Variants in RAPGEF5 observed in about 807,000 individuals in gnomAD.
RAPGEF5 encodes the protein M-Ras-regulated GEF.
A neutral mutation model predicts 125.2 loss-of-function variants in RAPGEF5; 65 were observed. The ratio of observed to expected loss-of-function variants is 0.52; its 90% CI spans 0.43 to 0.64. The LOEUF (loss-of-function observed/expected upper bound fraction) is 0.64, where lower values mean the gene tolerates loss of function less well. RAPGEF5 is among the 30% of genes least tolerant of loss of function. The pLI is 0.00. For synonymous variants in RAPGEF5, 391 were observed against 385.9 expected (o/e 1.01, Z -0.16); for missense variants, 958 against 1,048.1 (o/e 0.91, Z 1.19).
At chr7:22,258,418 C>G (rs951939763) in intron 7 of RAPGEF5, among the ~76,000 whole-genome samples, 3 of 151,876 alleles carry the variant, frequency 2.0e-5, no homozygotes, top group African/African-American at 7.3e-5. Flanking sequence ...GTTGGGAGTT[C>G]GAGACCAGCC....
At chr7:22,356,179 C>T (rs1001470639) in intron 1 of RAPGEF5, 34 of 985,312 alleles carry the variant, frequency 3.5e-5, no homozygotes, top group Non-Finnish European at 3.7e-5. Flanking sequence ...AGGGACACTC[C>T]TTCACCAGGA....
chr7:22,123,650 T>C (rs1782651022), intron 25 of RAPGEF5, among the ~76,000 whole-genome samples: 1 of 152,242 alleles, frequency 6.6e-6, no homozygotes. Flanking sequence ...TTAGGTTTAA[T>C]AGAAACAAGG....
intron 7 of RAPGEF5, among the ~76,000 whole-genome samples, chr7:22,249,239 T>G (rs1182687248): frequency 6.6e-6 from 1 of 152,232 alleles, no homozygotes; most frequent in African/African-American, 2.4e-5. Flanking sequence ...CCACCCAGGC[T>G]GAAGTGCAGT....
intron 24 of RAPGEF5, among the ~76,000 whole-genome samples, chr7:22,126,549 G>C (rs905591397): frequency 6.6e-6 from 1 of 152,216 alleles, no homozygotes; most frequent in Admixed American, 6.5e-5. Context: ...AAAGGTTCAA[G>C]TATCTTAAAT....
intron 7 of RAPGEF5, among the ~76,000 whole-genome samples, chr7:22,251,756 T>C (rs1445492846): frequency 9.3e-6 from 1 of 107,166 alleles, no homozygotes; most frequent in African/African-American, 3.8e-5. Flanking sequence ...AGTTGAGCCC[T>C]GCCAGGAAGT....
intron 18 of RAPGEF5, among the ~76,000 whole-genome samples, chr7:22,149,694 T>C (rs1209467153): frequency 6.6e-6 from 1 of 152,180 alleles, no homozygotes; most frequent in Non-Finnish European, 1.5e-5. Flanking sequence ...TCCATGCTTT[T>C]CTTCAAGGGA....
At chr7:22,276,706 A>G (rs1782566123) in intron 6 of RAPGEF5, among the ~76,000 whole-genome samples, 1 of 152,226 alleles carries the variant, frequency 6.6e-6, no homozygotes, top group Non-Finnish European at 1.5e-5. Flanking sequence ...GAAATCTCTA[A>G]TTATTTTATG....
chr7:22,145,298 G>A lies in RAPGEF5; in HGVS notation c.2008-76C>T, dbSNP rs1783399874. ...GATACAAAACTCGGTCAAATTTTAAGAGCTACTTCAGGTAGTTCCTCCCAT... is the reference window on the plus strand; with the variant it reads ...GATACAAAACTCGGTCAAATTTTAAAAGCTACTTCAGGTAGTTCCTCCCAT... On this transcript the variant is annotated intron_variant, in intron 19 of 25. Transcript: ENST00000665637. 3.6e-6 allele frequency: 5 copies of A among 1,407,608 alleles called. No individual in the cohort carries two copies. In the African/African-American group the frequency reaches 7.2e-5, roughly 20 times the overall value. 87.2% of individuals were successfully genotyped at this position (1,407,608 alleles called of 1,614,324 possible). A position where few individuals can be genotyped will look rare whatever the true frequency, so the allele number is the denominator to read the frequency against.
chr7:22,304,948 T>C (rs976786651), intron 5 of RAPGEF5, among the ~76,000 whole-genome samples: 2 of 152,222 alleles, frequency 1.3e-5, no homozygotes, highest in Admixed American at 6.5e-5. Flanking sequence ...ACAGCAGTGA[T>C]GGGAAATCCA....
chr7:22,316,610 C>T (rs919556453), intron 2 of RAPGEF5, among the ~76,000 whole-genome samples: 1 of 150,644 alleles, frequency 6.6e-6, no homozygotes, highest in African/African-American at 2.4e-5. Context: ...CCCACCTCAG[C>T]CTCCTAAGTA....
chr7:22,142,745 G>C (rs972834992), intron 20 of RAPGEF5, among the ~76,000 whole-genome samples: 2 of 152,216 alleles, frequency 1.3e-5, no homozygotes, highest in Non-Finnish European at 2.9e-5. Context: ...CTTTGTGTGA[G>C]GAAATAAAAT....
intron 23 of RAPGEF5, among the ~76,000 whole-genome samples, chr7:22,132,042 G>A (rs1260613134): frequency 6.6e-6 from 1 of 152,080 alleles, no homozygotes. Context: ...CATATATGGA[G>A]AACCAACCAA....
At chr7:22,355,880 T>A (rs978457421) in intron 1 of RAPGEF5, 4 of 885,934 alleles carry the variant, frequency 4.5e-6, no homozygotes, top group Non-Finnish European at 5.4e-6. Flanking sequence ...GACTGCATTT[T>A]AAAAATTACA....
rs531673838 is a variant in RAPGEF5, at chr7:22,313,876, GC to G, written c.389+1493del. 1.7e-3 allele frequency among the ~76,000 whole-genome samples: 265 copies of G among 152,248 alleles called. 8 individuals carry two copies. The South Asian group carries it at 0.053, about 30-fold the overall frequency. On this transcript the variant is annotated intron_variant, in intron 3 of 25. Transcript: ENST00000665637. ...TATGTGAAGTAGTCCAACCACCACA[GC>G]CCTTTTACTCCCTGTCCTGTCTACT...
chr7:22,144,552 A>G (rs1783366738), intron 20 of RAPGEF5, among the ~76,000 whole-genome samples: 2 of 152,208 alleles, frequency 1.3e-5, no homozygotes, highest in African/African-American at 2.4e-5. Flanking sequence ...TAGAGTGGCT[A>G]GAGCATGGGG....
intron 8 of RAPGEF5, among the ~76,000 whole-genome samples, chr7:22,222,512 A>G (rs188161999): frequency 2.0e-5 from 3 of 152,296 alleles, no homozygotes; most frequent in African/African-American, 7.2e-5. Context: ...CAGCAAGTAC[A>G]AGGGCCCTAA....
At chr7:22,247,791 G>A (rs994879469) in intron 7 of RAPGEF5, among the ~76,000 whole-genome samples, 5 of 152,044 alleles carry the variant, frequency 3.3e-5, no homozygotes, top group African/African-American at 9.7e-5. Context: ...ATACTATGCA[G>A]CCATAAAAAT....
chr7:22,195,593 G>A (rs182026768), intron 9 of RAPGEF5, among the ~76,000 whole-genome samples: 1 of 152,174 alleles, frequency 6.6e-6, no homozygotes, highest in Admixed American at 6.5e-5. Context: ...GAGGACGACA[G>A]TGGGACTCCC....
chr7:22,209,144 T>C (rs1785456671), intron 9 of RAPGEF5, among the ~76,000 whole-genome samples: 1 of 152,258 alleles, frequency 6.6e-6, no homozygotes, highest in African/African-American at 2.4e-5. Context: ...TGCCAAATTA[T>C]AATGGCAATG....
Sources: allele counts gnomAD v4.1 joint callset (sites outside exome capture counted in the v4.1 genomes callset), GRCh38; gene constraint gnomAD v4.1.1; transcripts MANE v1.5; gene names NCBI Gene and HGNC (gene_info 2026-07-23, HGNC 2026-07-21).